Variants in LRRC7 observed in about 807,000 individuals in gnomAD.
LRRC7 encodes the protein leucine rich repeat containing 7, also known as leucine-rich repeat-containing protein 7.
A neutral mutation model predicts 175.7 loss-of-function variants in LRRC7; 23 were observed. The observed-to-expected ratio is 0.13, with a 90% CI of 0.09 to 0.19. The LOEUF is 0.19. Among genes scored for constraint, LRRC7 ranks in the 10% least tolerant of loss-of-function variants. The pLI is 1.00. For synonymous variants in LRRC7, 685 were observed against 680.9 expected, an observed-to-expected ratio of 1.01 and a Z score of -0.09; for missense variants, 1,354 against 1,904.7, an observed-to-expected ratio of 0.71 and a Z score of 5.38.
At chr1:69,620,680 G>A (rs1287568580) in intron 1 of LRRC7, among the ~76,000 whole-genome samples, 3 of 152,160 alleles carry the variant, frequency 2.0e-5, no homozygotes, top group Admixed American at 6.5e-5. Context: ...TACTTTTCAT[G>A]TGACTGTAAT....
At chr1:69,623,956 A>G (rs1418040541) in intron 1 of LRRC7, among the ~76,000 whole-genome samples, 1 of 152,160 alleles carries the variant, frequency 6.6e-6, no homozygotes, top group South Asian at 2.1e-4. Flanking sequence ...TGAACACTGT[A>G]TGTTTCTCAT....
At chr1:69,657,476 G>T (rs1656818220) in intron 1 of LRRC7, among the ~76,000 whole-genome samples, 2 of 151,790 alleles carry the variant, frequency 1.3e-5, no homozygotes, top group African/African-American at 4.8e-5. Context: ...GATTTGAAAA[G>T]TATAAGATTC....
chr1:69,604,741 G>C (rs934595803), intron 1 of LRRC7, among the ~76,000 whole-genome samples: 1 of 151,690 alleles, frequency 6.6e-6, no homozygotes, highest in African/African-American at 2.4e-5. Context: ...TTAGGTTTTA[G>C]CTGGTAGCAT....
intron 18 of LRRC7, among the ~76,000 whole-genome samples, chr1:70,030,129 T>TA (rs1390661544): frequency 1.3e-5 from 2 of 152,126 alleles, no homozygotes; most frequent in East Asian, 1.9e-4. Context: ...TGCATTACTA[T>TA]AAAAAAATAC....
intron 1 of LRRC7, among the ~76,000 whole-genome samples, chr1:69,660,622 A>G (rs901056553): frequency 2.0e-5 from 3 of 152,108 alleles, no homozygotes; most frequent in African/African-American, 7.2e-5. Context: ...ACATTTGAAT[A>G]AGGACTTAAT....
At chr1:70,055,323 A>G (rs1008408223) in intron 23 of LRRC7, among the ~76,000 whole-genome samples, 6 of 152,194 alleles carry the variant, frequency 3.9e-5, no homozygotes, top group African/African-American at 1.4e-4. Flanking sequence ...AAAGTATTTT[A>G]AACAGAGAAA....
intron 7 of LRRC7, among the ~76,000 whole-genome samples, chr1:69,908,205 A>T (rs967302414): frequency 2.6e-4 from 39 of 152,282 alleles, no homozygotes; most frequent in African/African-American, 8.9e-4. Context: ...ATCTTTTCAA[A>T]AAACCAGCTC....
At chr1:69,717,857 A>AG (rs1665703421) in intron 2 of LRRC7, among the ~76,000 whole-genome samples, 3 of 100,250 alleles carry the variant, frequency 3.0e-5, no homozygotes, top group Admixed American at 1.0e-4. Context: ...AAGAAAGGAA[A>AG]GAAAGAAAGA....
At chr1:69,940,514 T>A (rs1262541536) in intron 8 of LRRC7, among the ~76,000 whole-genome samples, 1 of 152,004 alleles carries the variant, frequency 6.6e-6, no homozygotes, top group African/African-American at 2.4e-5. Context: ...ACCAGAGAAA[T>A]TGAAGGGGGA....
intron 1 of LRRC7, among the ~76,000 whole-genome samples, chr1:69,675,615 A>G (rs916976628): frequency 5.9e-5 from 9 of 152,160 alleles, no homozygotes; most frequent in African/African-American, 2.2e-4. Context: ...AAGCTCACTT[A>G]AATTGTTATT....
chr1:69,795,074 A>G (rs1039181479), intron 4 of LRRC7, among the ~76,000 whole-genome samples: 1 of 152,202 alleles, frequency 6.6e-6, no homozygotes, highest in African/African-American at 2.4e-5. Flanking sequence ...GCCATTTCAG[A>G]AAGCCATACC....
chr1:69,588,154 TG>T (rs1646478605), intron 1 of LRRC7, among the ~76,000 whole-genome samples: 2 of 152,186 alleles, frequency 1.3e-5, no homozygotes, highest in South Asian at 4.1e-4. Flanking sequence ...GGAAAGTTAG[TG>T]GTTTTTTTCC....
intron 7 of LRRC7, among the ~76,000 whole-genome samples, chr1:69,923,181 T>C (rs1217314312): frequency 6.6e-6 from 1 of 152,182 alleles, no homozygotes; most frequent in East Asian, 1.9e-4. Flanking sequence ...TATTCCATGG[T>C]GTATATGTGC....
intron 9 of LRRC7, among the ~76,000 whole-genome samples, chr1:69,985,648 A>G (rs1164080648): frequency 1.3e-5 from 2 of 152,036 alleles, no homozygotes; most frequent in African/African-American, 4.8e-5. Flanking sequence ...CTCCCCATCC[A>G]CCCAGCTCCT....
At chr1:70,103,836 C>CT (rs1664964903) in intron 25 of LRRC7, among the ~76,000 whole-genome samples, 1 of 152,024 alleles carries the variant, frequency 6.6e-6, no homozygotes, top group African/African-American at 2.4e-5. Context: ...ACTTTTATCT[C>CT]CTGGTTTTAT....
chr1:70,005,232 T>A (rs1655897964), intron 11 of LRRC7, among the ~76,000 whole-genome samples: 2 of 152,278 alleles, frequency 1.3e-5, no homozygotes, highest in South Asian at 4.1e-4. Flanking sequence ...ACACTAGAAT[T>A]GGAGCCCACG....
intron 1 of LRRC7, among the ~76,000 whole-genome samples, chr1:69,632,448 G>A (rs1402778920): frequency 1.3e-5 from 2 of 152,128 alleles, no homozygotes; most frequent in East Asian, 3.9e-4. Flanking sequence ...CTTCTAAATT[G>A]TATTTAATTT....
intron 1 of LRRC7, among the ~76,000 whole-genome samples, chr1:69,621,614 T>A (rs1650619305): frequency 6.6e-6 from 1 of 152,204 alleles, no homozygotes; most frequent in South Asian, 2.1e-4. Flanking sequence ...TTTATTTTTC[T>A]ACTCTCAGAG....
At chr1:69,720,566 C>T (rs1244617189) in intron 2 of LRRC7, among the ~76,000 whole-genome samples, 1 of 151,602 alleles carries the variant, frequency 6.6e-6, no homozygotes, top group Non-Finnish European at 1.5e-5. Context: ...AAAATATTCT[C>T]CTTGTGTCTG....
Sources: gnomAD v4.1 joint callset for allele counts (sites outside exome capture counted in the v4.1 genomes callset) on GRCh38, gnomAD v4.1.1 for gene constraint, MANE v1.5 for transcripts, NCBI Gene and HGNC (gene_info 2026-07-23, HGNC 2026-07-21) for gene names.